NSD1: variants seen among roughly 807,000 people sequenced by gnomAD.
The protein encoded by NSD1 is histone-lysine N-methyltransferase, H3 lysine-36 specific.
Under a neutral mutation model 242.7 loss-of-function variants are expected in NSD1, and 26 were observed. The observed-to-expected ratio is 0.11, with a 90% CI of 0.08 to 0.15. NSD1 has a LOEUF of 0.15. NSD1 is among the 10% of genes least tolerant of loss of function. The pLI is 1.00. For synonymous variants in NSD1, 1,106 were observed against 1,178.1 expected (o/e 0.94, Z 1.25); for missense variants, 2,495 against 3,272.8 (o/e 0.76, Z 5.80).
At chr5:177,187,750 C>T (rs1034679455) in intron 2 of NSD1, among the ~76,000 whole-genome samples, 1 of 152,124 alleles carries the variant, frequency 6.6e-6, no homozygotes, top group African/African-American at 2.4e-5. Context: ...GTCTTTGTTT[C>T]CAAATTTCTC....
rs1413100231 is a variant in NSD1, at chr5:177,185,928, A to ATG, written c.928-5955_928-5954insGT. Among the ~76,000 whole-genome samples the ATG allele has an allele frequency of 4.5e-5, 4 of 88,928 alleles. No homozygotes were observed. The East Asian group carries it at 1.2e-3, about 27-fold the overall frequency. The allele number at this position is 88,928 out of a possible 152,430, so 58.3% of individuals were successfully genotyped here. On this transcript the variant is annotated intron_variant, in intron 2 of 22. Transcript: ENST00000439151. Reference sequence around the variant, plus strand: ...TATATAATTATATATATTTATATATATAAATAAATATATATAATATAGTTA... The same window carrying ATG: ...TATATAATTATATATATTTATATATATGTAAATAAATATATATAATATAGTTA...
chr5:177,208,461 A>G (rs991016022), intron 4 of NSD1, among the ~76,000 whole-genome samples: 8 of 148,642 alleles, frequency 5.4e-5, no homozygotes, highest in Non-Finnish European at 9.0e-5. Context: ...TGTTTTTTCT[A>G]TATTCATCAT....
At chr5:177,287,359 G>T (rs1429671444) in intron 20 of NSD1, among the ~76,000 whole-genome samples, 1 of 152,184 alleles carries the variant, frequency 6.6e-6, no homozygotes, top group East Asian at 1.9e-4. Flanking sequence ...GACAGTGTGG[G>T]GCTGGGCGCA....
chr5:177,236,033 A>T (rs182549395), intron 6 of NSD1, 88 bp downstream of exon 6: 32 of 1,426,734 alleles, frequency 2.2e-5, no homozygotes, highest in Non-Finnish European at 3.1e-5. Flanking sequence ...TCATGAAACA[A>T]TAATTTCCTT....
intron 5 of NSD1, among the ~76,000 whole-genome samples, chr5:177,213,516 G>C (rs1002283705): frequency 6.6e-6 from 1 of 152,030 alleles, no homozygotes. Flanking sequence ...TACCCAGGCT[G>C]GAGTGCCGTG....
rs780307984 is a variant in NSD1, at chr5:177,135,757, A to T, written c.654A>T (p.Arg218Ser). Residue 218 changes from arginine (R) to serine (S), a missense_variant, in exon 2 of 23, where the codon AGA (arginine) becomes AGT (serine). Coordinates refer to ENST00000439151, the MANE Select transcript of NSD1 (RefSeq NM_022455.5). ...GSEQDSTPES[R>S]HGAVKSPFLP... ...AACAAGACAGCACACCAGAGAGTAG[A>T]CACGGTGCAGTCAAATCGCCATTCT... The T allele has an allele frequency of 6.2e-7, 1 of 1,614,116 alleles. No individual in the cohort carries two copies. The highest frequency in any genetic ancestry group is 8.5e-7 in the Non-Finnish European group (1 of 1,179,916).
chr5:177,135,124 A>G lies in NSD1; in HGVS notation c.21A>G (p.Leu7=). The change falls in exon 2 of 23, where the codon CTA becomes CTG. Residue 7 remains leucine, a synonymous_variant. Transcript: ENST00000439151. Reference sequence around the variant, plus strand: ...CCAGGATGGATCAGACCTGTGAACTACCCAGAAGAAATTGTCTGCTGCCCT... The same window carrying G: ...CCAGGATGGATCAGACCTGTGAACTGCCCAGAAGAAATTGTCTGCTGCCCT... MDQTCE[L]PRRNCLLPFS... 2 of 1,614,176 alleles carry G rather than the reference A, an allele frequency of 1.2e-6. No homozygotes were observed. Among genetic ancestry groups the G allele is most frequent in the Non-Finnish European group, 1.7e-6 (2 of 1,180,038 alleles).
chr5:177,231,088 A>C (rs1765018461), intron 5 of NSD1, among the ~76,000 whole-genome samples: 1 of 152,112 alleles, frequency 6.6e-6, no homozygotes, highest in Admixed American at 6.6e-5. Flanking sequence ...GTAAGTCACC[A>C]CCCTGCCCCC....
At chr5:177,293,781 T>G in intron 22 of NSD1, 51 bp from the exon 23 acceptor site, 4 of 1,599,172 alleles carry the variant, frequency 2.5e-6, no homozygotes, top group Non-Finnish European at 3.4e-6. Context: ...TTGGCCCATG[T>G]GATATGTATC....
chr5:177,265,791 C>A (rs1757384714), intron 14 of NSD1: 1 of 1,420,266 alleles, frequency 7.0e-7, no homozygotes, highest in Non-Finnish European at 1.0e-6. Context: ...AAGCCGGTCC[C>A]TCCGGTCCTC....
intron 14 of NSD1, 36 bp downstream of exon 14, chr5:177,260,204 A>C: frequency 6.3e-7 from 1 of 1,588,270 alleles, no homozygotes; most frequent in Non-Finnish European, 8.6e-7. Context: ...TGTAGTCTAA[A>C]AAGGGATTAA....
At chr5:177,204,359 C>G (rs2149836539) in intron 4 of NSD1, 67 bp downstream of exon 4, 1 of 1,445,040 alleles carries the variant, frequency 6.9e-7, no homozygotes, top group Non-Finnish European at 9.7e-7. Flanking sequence ...AAAATGGCCT[C>G]TTATTTATTT....
intron 2 of NSD1, among the ~76,000 whole-genome samples, chr5:177,187,862 C>T (rs527914468): frequency 5.0e-4 from 76 of 152,274 alleles, no homozygotes; most frequent in African/African-American, 1.8e-3. Flanking sequence ...ACATTCACAG[C>T]TACTGGGTTA....
chr5:177,167,458 C>T (rs1310492095), intron 2 of NSD1, among the ~76,000 whole-genome samples: 1 of 152,018 alleles, frequency 6.6e-6, no homozygotes, highest in African/African-American at 2.4e-5. Context: ...TCGCTTGAAC[C>T]TGGGAGGCAG....
At chr5:177,235,967 A>G (rs767302179) in intron 6 of NSD1, 22 bp downstream of exon 6, 2 of 1,613,582 alleles carry the variant, frequency 1.2e-6, no homozygotes, top group South Asian at 1.1e-5. Flanking sequence ...AATTTCAGCA[A>G]ACTTTCACTG....
chr5:177,226,325 G>A (rs1453776940), intron 5 of NSD1, among the ~76,000 whole-genome samples: 1 of 152,104 alleles, frequency 6.6e-6, no homozygotes, highest in Non-Finnish European at 1.5e-5. Flanking sequence ...GTGAGCCACC[G>A]GGCCCGGCCA....
chr5:177,239,175 A>G (rs145211587), intron 7 of NSD1, among the ~76,000 whole-genome samples: 3 of 152,306 alleles, frequency 2.0e-5, no homozygotes, highest in African/African-American at 7.2e-5. Flanking sequence ...GTAGCTTTTG[A>G]TGTTATTCCT....
At chr5:177,245,050 T>A (rs1217826496) in intron 9 of NSD1, among the ~76,000 whole-genome samples, 3 of 152,148 alleles carry the variant, frequency 2.0e-5, no homozygotes, top group African/African-American at 7.2e-5. Context: ...CCTGTCTCTA[T>A]CTACAGTTTA....
At chr5:177,137,647 A>G (rs1194869215) in intron 2 of NSD1, among the ~76,000 whole-genome samples, 1 of 152,160 alleles carries the variant, frequency 6.6e-6, no homozygotes, top group East Asian at 1.9e-4. Flanking sequence ...GTTGAAATTT[A>G]TTTTATATAT....
Sources: allele counts gnomAD v4.1 joint callset (sites outside exome capture counted in the v4.1 genomes callset), GRCh38; gene constraint gnomAD v4.1.1; transcripts MANE v1.5; gene names NCBI Gene and HGNC (gene_info 2026-07-23, HGNC 2026-07-21).